Variants in PRDM5 observed in about 807,000 individuals in gnomAD.
PRDM5 encodes PR domain zinc finger protein 5.
A neutral mutation model predicts 81.2 loss-of-function variants in PRDM5; 56 were observed. The ratio of observed to expected loss-of-function variants is 0.69; its 90% CI spans 0.56 to 0.86. The LOEUF (loss-of-function observed/expected upper bound fraction) is 0.86, where lower values mean the gene tolerates loss of function less well. Ranked by LOEUF, PRDM5 falls within the 40% of genes least tolerant of loss-of-function variation. The pLI is 0.00. For missense variants in PRDM5, 697 were observed against 770.1 expected (o/e 0.91, Z 1.12); for synonymous variants, 267 against 256.4 (o/e 1.04, Z -0.39).
In PRDM5 at chr4:120,793,466, C is replaced by A. The variant is rs28879750; in HGVS notation, c.1188+4801G>T. 7.8e-3 allele frequency among the ~76,000 whole-genome samples: 1,186 copies of A among 152,194 alleles called. 16 individuals carry two copies. Among genetic ancestry groups the A allele is most frequent in the African/African-American group, 0.027 (1,123 of 41,510 alleles). On this transcript the variant is annotated intron_variant, in intron 10 of 15. Coordinates refer to ENST00000264808, the MANE Select transcript of PRDM5 (RefSeq NM_018699.4). ...AATAAATATGATGCACTTGAATCAT[C>A]CCAAAACCATCCCCTGCCCAACACT...
chr4:120,847,283 T>C (rs1758764280), intron 3 of PRDM5, among the ~76,000 whole-genome samples: 2 of 152,092 alleles, frequency 1.3e-5, no homozygotes, highest in Admixed American at 6.6e-5. Flanking sequence ...TTTCCAAGAT[T>C]AGGTTATAAA....
At chr4:120,840,453 T>C (rs1375941814) in intron 3 of PRDM5, among the ~76,000 whole-genome samples, 1 of 151,848 alleles carries the variant, frequency 6.6e-6, no homozygotes, top group Non-Finnish European at 1.5e-5. Context: ...ACGCAGAGCC[T>C]CCTCCCAAGG....
At chr4:120,713,651 T>C (rs1191961556) in intron 14 of PRDM5, among the ~76,000 whole-genome samples, 5 of 152,246 alleles carry the variant, frequency 3.3e-5, no homozygotes, top group Non-Finnish European at 5.9e-5. Context: ...CTAAAGTTTA[T>C]CCATATGTTT....
At chr4:120,773,291 A>C (rs1382514055) in intron 13 of PRDM5, among the ~76,000 whole-genome samples, 4 of 152,190 alleles carry the variant, frequency 2.6e-5, no homozygotes, top group Non-Finnish European at 5.9e-5. Flanking sequence ...AAAATAAAGA[A>C]AAAAGGAAAT....
chr4:120,817,095 G>A (rs930293530), intron 5 of PRDM5, among the ~76,000 whole-genome samples, 171 bp from the exon 6 acceptor site: 4 of 152,106 alleles, frequency 2.6e-5, no homozygotes, highest in African/African-American at 9.7e-5. Flanking sequence ...TTGCTCAGCA[G>A]TGTCTTTTGT....
At chr4:120,869,038 C>A (rs1162719222) in intron 2 of PRDM5, among the ~76,000 whole-genome samples, 1 of 152,072 alleles carries the variant, frequency 6.6e-6, no homozygotes, top group Non-Finnish European at 1.5e-5. Flanking sequence ...ACCTTAAATG[C>A]AGACAAAAGA....
At chr4:120,737,033 T>C (rs1175282353) in intron 14 of PRDM5, among the ~76,000 whole-genome samples, 1 of 152,172 alleles carries the variant, frequency 6.6e-6, no homozygotes, top group Non-Finnish European at 1.5e-5. Flanking sequence ...AGGCTTGAGC[T>C]TGAAGAATTG....
intron 11 of PRDM5, among the ~76,000 whole-genome samples, chr4:120,784,781 A>G (rs1749521700): frequency 1.3e-5 from 2 of 152,180 alleles, no homozygotes; most frequent in South Asian, 4.1e-4. Flanking sequence ...TATAGAAAAT[A>G]AAATATCTCA....
Position 120,831,417 on chromosome 4 carries a change from C to T in PRDM5, c.301-10072G>A, listed in dbSNP as rs188985264. Among the ~76,000 whole-genome samples the T allele has an allele frequency of 3.9e-5, 6 of 152,186 alleles. No individual in the cohort carries two copies. In the East Asian group the frequency reaches 1.2e-3, roughly 29 times the overall value. ...CTGTCAGGCATGCTTCCCACAGTCC[C>T]ACGCATTCATTCCTACACCTGTTTA... On this transcript the variant is annotated intron_variant, in intron 3 of 15. Transcript: ENST00000264808.
intron 1 of PRDM5, among the ~76,000 whole-genome samples, chr4:120,917,686 A>G (rs1441805084): frequency 6.6e-6 from 1 of 152,058 alleles, no homozygotes; most frequent in Non-Finnish European, 1.5e-5. Flanking sequence ...CATTAAAAAA[A>G]AAAAAAAAAC....
chr4:120,796,437 A>G (rs1253062043), intron 10 of PRDM5, among the ~76,000 whole-genome samples: 1 of 152,206 alleles, frequency 6.6e-6, no homozygotes, highest in African/African-American at 2.4e-5. Flanking sequence ...GAGATGGTGC[A>G]AAGATCCTGT....
chr4:120,827,161 G>A (rs1464592946), intron 3 of PRDM5, among the ~76,000 whole-genome samples: 2 of 152,150 alleles, frequency 1.3e-5, no homozygotes, highest in Non-Finnish European at 2.9e-5. Flanking sequence ...GAAAAGAAGA[G>A]AGTAGAATTT....
intron 13 of PRDM5, among the ~76,000 whole-genome samples, chr4:120,761,801 C>T (rs1015528073): frequency 6.6e-6 from 1 of 151,994 alleles, no homozygotes; most frequent in South Asian, 2.1e-4. Flanking sequence ...AAGAAGTGAA[C>T]CTGACCACTC....
intron 2 of PRDM5, among the ~76,000 whole-genome samples, chr4:120,872,170 A>AC (rs1486093940): frequency 6.8e-6 from 1 of 147,586 alleles, no homozygotes; most frequent in Non-Finnish European, 1.5e-5. Context: ...AAAAAAAAAA[A>AC]AAAACCTGTA....
At chr4:120,870,239 A>G (rs1373048635) in intron 2 of PRDM5, among the ~76,000 whole-genome samples, 2 of 152,212 alleles carry the variant, frequency 1.3e-5, no homozygotes, top group African/African-American at 4.8e-5. Context: ...TCTGAGAGCC[A>G]TATGATGATT....
chr4:120,734,419 A>ACACACAC (rs1740779320), intron 14 of PRDM5, among the ~76,000 whole-genome samples: 1 of 110,116 alleles, frequency 9.1e-6, no homozygotes, highest in African/African-American at 4.1e-5. Flanking sequence ...CACACACACA[A>ACACACAC]ATACACACAC....
intron 14 of PRDM5, among the ~76,000 whole-genome samples, chr4:120,750,141 AT>A (rs746634212): frequency 5.9e-5 from 9 of 152,240 alleles, no homozygotes; most frequent in Non-Finnish European, 1.0e-4. Flanking sequence ...TAAAATTTAA[AT>A]TTTGATAGCC....
intron 14 of PRDM5, among the ~76,000 whole-genome samples, chr4:120,727,429 A>C (rs1739592271): frequency 6.6e-6 from 1 of 152,090 alleles, no homozygotes; most frequent in Non-Finnish European, 1.5e-5. Flanking sequence ...AGCCTCTAGA[A>C]CTGCCCCACT....
chr4:120,805,631 G>A (rs1752802962), intron 8 of PRDM5, among the ~76,000 whole-genome samples: 1 of 152,070 alleles, frequency 6.6e-6, no homozygotes, highest in Non-Finnish European at 1.5e-5. Context: ...TACAGAAAAG[G>A]CCTTTGACAA....
Sources: gnomAD v4.1 joint callset for allele counts (sites outside exome capture counted in the v4.1 genomes callset) on GRCh38, gnomAD v4.1.1 for gene constraint, MANE v1.5 for transcripts, NCBI Gene and HGNC (gene_info 2026-07-23, HGNC 2026-07-21) for gene names.